Variants in FAM135B observed in about 807,000 individuals in gnomAD.
FAM135B encodes family with sequence similarity 135 member B.
In FAM135B, 43 loss-of-function variants were observed where a neutral mutation model predicts 127.7. That is an observed-to-expected ratio of 0.34 (90% CI 0.26 to 0.43). The LOEUF is 0.43. Ranked by LOEUF, FAM135B falls within the 20% of genes least tolerant of loss-of-function variation. The probability of loss-of-function intolerance (pLI) is 1.00; values close to 1 mark genes in which losing one functional copy is unlikely to be tolerated. For synonymous variants in FAM135B, 670 were observed against 665.1 expected, an observed-to-expected ratio of 1.01 and a Z score of -0.11; for missense variants, 1,558 against 1,725.6, an observed-to-expected ratio of 0.90 and a Z score of 1.72.
chr8:138,147,473 G>A (rs1449139158), intron 14 of FAM135B, among the ~76,000 whole-genome samples: 1 of 152,098 alleles, frequency 6.6e-6, no homozygotes, highest in Non-Finnish European at 1.5e-5. Context: ...TGAGGTTTTT[G>A]TACAACATGA....
At chr8:138,495,857 T>C (rs1329780648) in intron 1 of FAM135B, among the ~76,000 whole-genome samples, 2 of 152,160 alleles carry the variant, frequency 1.3e-5, no homozygotes, top group East Asian at 3.9e-4. Context: ...CTGGTTCAAA[T>C]GGACAACTGA....
At chr8:138,481,467 T>C (rs1461087589) in intron 1 of FAM135B, among the ~76,000 whole-genome samples, 3 of 152,228 alleles carry the variant, frequency 2.0e-5, no homozygotes, top group East Asian at 3.8e-4. Flanking sequence ...CAGCTGAGCA[T>C]AGCAGGGCAG....
intron 7 of FAM135B, among the ~76,000 whole-genome samples, chr8:138,215,278 T>A (rs186340421): frequency 6.6e-6 from 1 of 152,286 alleles, no homozygotes; most frequent in East Asian, 1.9e-4. Flanking sequence ...CCTGGTAGGG[T>A]GCTAGTGAAG....
intron 2 of FAM135B, among the ~76,000 whole-genome samples, chr8:138,317,537 T>C (rs2130927335): frequency 6.6e-6 from 1 of 152,354 alleles, no homozygotes; most frequent in South Asian, 2.1e-4. Context: ...GAGATGTCTC[T>C]GTACTACTTC....
chr8:138,219,774 C>G (rs1201475462), intron 7 of FAM135B, among the ~76,000 whole-genome samples: 1 of 152,194 alleles, frequency 6.6e-6, no homozygotes, highest in Non-Finnish European at 1.5e-5. Flanking sequence ...CAGGTTCTCC[C>G]TTGGAATAAT....
chr8:138,258,803 CCA>C (rs57817492), intron 4 of FAM135B, among the ~76,000 whole-genome samples: 45 of 146,518 alleles, frequency 3.1e-4, no homozygotes, highest in African/African-American at 8.2e-4. Context: ...GACACACACA[CCA>C]CACACACACA....
At chr8:138,262,744 C>CA (rs1381177579) in intron 4 of FAM135B, among the ~76,000 whole-genome samples, 19 of 150,834 alleles carry the variant, frequency 1.3e-4, no homozygotes, top group Non-Finnish European at 2.5e-4. Context: ...ACTAAAAATA[C>CA]AAAAAAAATT....
chr8:138,212,762 G>T (rs1166430093), intron 7 of FAM135B, among the ~76,000 whole-genome samples: 1 of 152,192 alleles, frequency 6.6e-6, no homozygotes, highest in African/African-American at 2.4e-5. Flanking sequence ...TGTGTGCAAT[G>T]TTCAGCAATT....
At position 138,151,971 on chromosome 8, in the gene FAM135B, T is replaced by A. The variant is rs762981952; in HGVS notation, c.2504A>T (p.Asp835Val). The change falls in exon 13 of 20, where the codon GAT becomes GTT. Residue 835 changes from aspartate to valine, a missense_variant. This residue lies in a region of FAM135B where 923 missense variants were observed against 865.3 expected (regional missense o/e 1.07). Coordinates refer to ENST00000395297, the MANE Select transcript of FAM135B (RefSeq NM_015912.4). ...TCCGGGGCCCTGCTGGTTGTCAGCA[T>A]CTAAAACTATCTCCACCAGGGGATG... ...ADHPLVEIVL[D>V]ADNQQGPGYI... The A allele has an allele frequency of 1.2e-6, 2 of 1,614,112 alleles. No homozygotes were observed. The highest frequency in any genetic ancestry group is 1.1e-5 in the South Asian group (1 of 91,074).
chr8:138,385,889 G>A (rs1010314599), intron 1 of FAM135B, among the ~76,000 whole-genome samples: 14 of 151,924 alleles, frequency 9.2e-5, no homozygotes, highest in African/African-American at 2.2e-4. Flanking sequence ...GAACAAATAC[G>A]ATACTGGGTA....
At chr8:138,289,779 C>G (rs772252259) in intron 3 of FAM135B, among the ~76,000 whole-genome samples, 1 of 152,174 alleles carries the variant, frequency 6.6e-6, no homozygotes, top group African/African-American at 2.4e-5. Flanking sequence ...CCCAATCATC[C>G]TGGGAGTTGG....
At chr8:138,182,060 G>C (rs973722915) in intron 9 of FAM135B, among the ~76,000 whole-genome samples, 1 of 152,152 alleles carries the variant, frequency 6.6e-6, no homozygotes, top group Non-Finnish European at 1.5e-5. Context: ...CGGCCTCCTT[G>C]TTCCCTCACT....
intron 1 of FAM135B, among the ~76,000 whole-genome samples, chr8:138,422,241 C>A (rs923783169): frequency 6.6e-6 from 1 of 152,016 alleles, no homozygotes; most frequent in African/African-American, 2.4e-5. Flanking sequence ...ACTCTAAAAG[C>A]AATTATAACA....
chr8:138,497,556 T>C (rs1815447009), upstream of FAM135B, among the ~76,000 whole-genome samples: 1 of 152,052 alleles, frequency 6.6e-6, no homozygotes, highest in African/African-American at 2.4e-5. Context: ...AGGGGACTGT[T>C]GAACTTGGAA....
At chr8:138,296,292 A>T (rs187361169) in intron 3 of FAM135B, among the ~76,000 whole-genome samples, 1 of 152,244 alleles carries the variant, frequency 6.6e-6, no homozygotes, top group African/African-American at 2.4e-5. Context: ...CTTCAAACTT[A>T]TCCTCCCATC....
chr8:138,132,862 T>C lies in FAM135B; in HGVS notation c.4016-64A>G, dbSNP rs778109574. 2.1e-6 allele frequency: 3 copies of C among 1,452,256 alleles called. No individual in the cohort carries two copies. The highest frequency in any genetic ancestry group is 1.9e-6 in the Non-Finnish European group (2 of 1,035,190). 90.0% of individuals were successfully genotyped at this position (1,452,256 alleles called of 1,614,324 possible). A position where few individuals can be genotyped will look rare whatever the true frequency, so the allele number is the denominator to read the frequency against. Reference sequence around the variant, plus strand: ...AATTAGCAGTGGAATCTAGAGAACATCACTAGATGTGTGTCGAAATTCTGT... The same window carrying C: ...AATTAGCAGTGGAATCTAGAGAACACCACTAGATGTGTGTCGAAATTCTGT... On this transcript the variant is annotated intron_variant, in intron 19 of 19. Coordinates refer to ENST00000395297, the MANE Select transcript of FAM135B (RefSeq NM_015912.4). This position sits in a 1 kb window ranked among gnomAD's most constrained non-coding sequence, Gnocchi z 4.5.
At chr8:138,408,627 G>T (rs117900306) in intron 1 of FAM135B, among the ~76,000 whole-genome samples, 5,832 of 152,206 alleles carry the variant, frequency 0.038, 162 homozygotes, top group Middle Eastern at 0.095. Context: ...TTGCATGGCT[G>T]GGGGGCCTTA....
At chr8:138,421,280 T>C (rs13280158) in intron 1 of FAM135B, among the ~76,000 whole-genome samples, 10,324 of 152,150 alleles carry the variant, frequency 0.068, 785 homozygotes, top group East Asian at 0.26. Flanking sequence ...ACCACTGCAT[T>C]CCAGCCAGGG....
Position 138,446,336 on chromosome 8 carries a change from C to T in FAM135B, c.-20+50335G>A, listed in dbSNP as rs573867878. ...GTTCATATGGAACCAAAAAAGAGCC[C>T]GCATTGCCAAGTCAATCCTAAGCCA... On this transcript the variant is annotated intron_variant, in intron 1 of 19. Coordinates refer to ENST00000395297, the MANE Select transcript of FAM135B (RefSeq NM_015912.4). Among the ~76,000 whole-genome samples the T allele has an allele frequency of 1.3e-4, 20 of 152,024 alleles. 1 individual carries two copies. The highest frequency in any genetic ancestry group is 1.2e-3 in the East Asian group (6 of 5,188).
Sources: allele counts gnomAD v4.1 joint callset (sites outside exome capture counted in the v4.1 genomes callset), GRCh38; gene constraint gnomAD v4.1.1; regional missense constraint gnomAD v4.1.1; non-coding constraint Gnocchi (gnomAD v3.1); transcripts MANE v1.5; gene names NCBI Gene and HGNC (gene_info 2026-07-23, HGNC 2026-07-21).